The following PUDP variants were observed in gnomAD, a reference collection of about 807,000 sequenced individuals.
PUDP encodes the protein pseudouridine 5'-phosphatase, also known as pseudouridine-5'-phosphatase.
PUDP carries 8 observed loss-of-function variants against 9.4 expected under a neutral mutation model. The observed-to-expected ratio is 0.85, with a 90% CI of 0.50 to 1.53. PUDP has a LOEUF of 1.53. Among genes scored for constraint, PUDP ranks in the 40% most tolerant of loss-of-function variants. The pLI, the probability that PUDP is intolerant of heterozygous loss-of-function variation, is 0.00. For missense variants in PUDP, 188 were observed against 189.7 expected, an observed-to-expected ratio of 0.99 and a Z score of 0.05; for synonymous variants, 99 against 80.7, an observed-to-expected ratio of 1.23 and a Z score of -1.22.
chrX:6,983,578 G>T (rs1232746565), intron 1 of PUDP, among the ~76,000 whole-genome samples: 1 of 112,103 alleles, frequency 8.9e-6, no homozygotes, highest in Non-Finnish European at 1.9e-5. Flanking sequence ...ATCTTGACTT[G>T]TTGGCTGGTG....
At chrX:6,740,811 T>A (rs1361955153) in intron 3 of PUDP, among the ~76,000 whole-genome samples, 1 of 111,622 alleles carries the variant, frequency 9.0e-6, no homozygotes. Context: ...ATCAACGAGT[T>A]CTAATACAAT....
intron 1 of PUDP, among the ~76,000 whole-genome samples, chrX:6,993,161 T>C (rs5935684): frequency 0.25 from 27,214 of 110,358 alleles, 3,353 homozygotes; most frequent in Non-Finnish European, 0.37. Context: ...CTTGTGATCA[T>C]GTGAGTCAAT....
intron 2 of PUDP, chrX:6,706,342 C>G (rs1012859220): frequency 8.9e-6 from 1 of 111,930 alleles, no homozygotes; most frequent in Admixed American, 9.5e-5. Flanking sequence ...CAGGCTCTCA[C>G]CTGTAGTCGC....
intron 3 of PUDP, among the ~76,000 whole-genome samples, chrX:6,832,517 T>C (rs1926517969): frequency 8.9e-6 from 1 of 112,065 alleles, no homozygotes. Flanking sequence ...TAAACTGGCA[T>C]GTTAACGGCA....
At chrX:6,995,274 C>T (rs1377500356) in intron 1 of PUDP, among the ~76,000 whole-genome samples, 3 of 110,853 alleles carry the variant, frequency 2.7e-5, no homozygotes, top group Non-Finnish European at 5.7e-5. Context: ...ATCATGACCA[C>T]AAAAAAACCC....
chrX:6,813,008 C>T (rs1024284428), intron 3 of PUDP, among the ~76,000 whole-genome samples: 7 of 110,740 alleles, frequency 6.3e-5, no homozygotes, highest in East Asian at 5.7e-4. Context: ...GTGGGAGGTT[C>T]GCTTGAGCCC....
At chrX:6,980,805 T>C (rs192644671) in intron 1 of PUDP, among the ~76,000 whole-genome samples, 2 of 111,622 alleles carry the variant, frequency 1.8e-5, no homozygotes, top group Admixed American at 1.9e-4. Flanking sequence ...CTAAGTAATA[T>C]AAAGATGATT....
chrX:7,094,652 G>A (rs946060704), intron 2 of PUDP, among the ~76,000 whole-genome samples: 1 of 111,253 alleles, frequency 9.0e-6, no homozygotes, highest in Non-Finnish European at 1.9e-5. Context: ...GAGCCACCGC[G>A]CCTGGCCAAT....
At chrX:7,098,094 C>A (rs373132354) in intron 2 of PUDP, among the ~76,000 whole-genome samples, 2 of 112,004 alleles carry the variant, frequency 1.8e-5, no homozygotes, top group East Asian at 5.7e-4. Flanking sequence ...GGAGATGACA[C>A]AAGTGCCTGC....
At chrX:6,920,452 T>G (rs935340804) in intron 3 of PUDP, among the ~76,000 whole-genome samples, 1 of 111,709 alleles carries the variant, frequency 9.0e-6, no homozygotes, top group Non-Finnish European at 1.9e-5. Flanking sequence ...GAAAATTATC[T>G]TGGGCCCCCA....
At chrX:6,836,595 T>C (rs968874778) in intron 3 of PUDP, among the ~76,000 whole-genome samples, 1 of 112,394 alleles carries the variant, frequency 8.9e-6, no homozygotes, top group African/African-American at 3.2e-5. Flanking sequence ...ATTGTATCTT[T>C]CAGACCATTC....
intron 1 of PUDP, among the ~76,000 whole-genome samples, chrX:6,994,312 C>T (rs1461463311): frequency 1.8e-5 from 2 of 111,691 alleles, no homozygotes; most frequent in Non-Finnish European, 3.8e-5. Context: ...ACTTGGGAGG[C>T]TGAGGTGGGA....
At chrX:6,854,738 C>T (rs1926879914) in intron 3 of PUDP, among the ~76,000 whole-genome samples, 1 of 109,849 alleles carries the variant, frequency 9.1e-6, no homozygotes, top group African/African-American at 3.3e-5. Context: ...GGAAGTGGAT[C>T]ATCATAAAGG....
chrX:7,143,950 C>T (rs1228491525), intron 1 of PUDP, among the ~76,000 whole-genome samples: 1 of 111,397 alleles, frequency 9.0e-6, no homozygotes, highest in African/African-American at 3.3e-5. Context: ...ACACTGTCAG[C>T]CTCCAGGGAA....
intron 1 of PUDP, among the ~76,000 whole-genome samples, chrX:7,025,111 G>A (rs1175771248): frequency 4.5e-5 from 5 of 111,530 alleles, no homozygotes; most frequent in Non-Finnish European, 9.4e-5. Context: ...TTGTGTTCTC[G>A]GGTGTAATTA....
chrX:7,125,135 A>C (rs1932451311), intron 1 of PUDP, among the ~76,000 whole-genome samples: 1 of 111,598 alleles, frequency 9.0e-6, no homozygotes. Context: ...AATTTATCTG[A>C]GGCAGTTCAC....
At chrX:6,813,973 G>A (rs776992268) in intron 3 of PUDP, among the ~76,000 whole-genome samples, 5 of 111,349 alleles carry the variant, frequency 4.5e-5, no homozygotes, top group African/African-American at 9.8e-5. Flanking sequence ...GGAGTGAAAC[G>A]CATTGGCTCA....
At chrX:7,010,187 C>T (rs1254634544) in intron 1 of PUDP, among the ~76,000 whole-genome samples, 2 of 111,751 alleles carry the variant, frequency 1.8e-5, no homozygotes, top group Non-Finnish European at 3.8e-5. Context: ...TTGCTCACAT[C>T]TAGTGTAGGA....
Position 6,807,976 on chromosome X carries a change from G to GCCAAAAT in PUDP, c.*248-101511_*248-101510insATTTTGG. ...TTCATGGAGTGAATAGCCAAAATGA[G>GCCAAAAT]GGTACCAGTTCCATTTAGGAAAAGG... On this transcript the variant is annotated intron_variant and NMD_transcript_variant, in intron 3 of 3. Transcript: ENST00000655425. Among the ~76,000 whole-genome samples the GCCAAAAT allele has an allele frequency of 1.8e-5, 2 of 111,752 alleles. 1 individual carries two copies. Among genetic ancestry groups the GCCAAAAT allele is most frequent in the African/African-American group, 6.5e-5 (2 of 30,715 alleles).
Sources: gnomAD v4.1 joint callset for allele counts (sites outside exome capture counted in the v4.1 genomes callset) on GRCh38, gnomAD v4.1.1 for gene constraint, MANE v1.5 for transcripts, NCBI Gene and HGNC (gene_info 2026-07-23, HGNC 2026-07-21) for gene names.